Variants in EDARADD observed in about 807,000 individuals in gnomAD.
EDARADD encodes EDAR associated via death domain, also known as ectodysplasin-A receptor-associated adapter protein.
A neutral mutation model predicts 25.6 loss-of-function variants in EDARADD; 20 were observed. That is an observed-to-expected ratio of 0.78 (90% CI 0.55 to 1.14). The LOEUF (loss-of-function observed/expected upper bound fraction) is 1.14. Ranked by LOEUF, EDARADD falls within the 50% of genes most tolerant of loss-of-function variation. The probability of loss-of-function intolerance (pLI) is 0.00; values close to 1 mark genes in which losing one functional copy is unlikely to be tolerated. For missense variants in EDARADD, 225 were observed against 270.1 expected (o/e 0.83, Z 1.17); for synonymous variants, 86 against 94.4 (o/e 0.91, Z 0.52).
chr1:236,447,130 T>TCC (rs1204767061), intron 4 of EDARADD, among the ~76,000 whole-genome samples: 2 of 151,762 alleles, frequency 1.3e-5, no homozygotes, highest in Admixed American at 6.6e-5. Context: ...TTCCTCTCTC[T>TCC]CTCTCTCTTT....
rs1308986851 is a variant in EDARADD, at chr1:236,482,609, G to T, written c.608G>T (p.Trp203Leu). ...KVLRRWVDEE[W>L]PKRERGDPSR... is the part of the protein sequence containing the mutation. ...CTGCGCAGGTGGGTGGACGAGGAGT[G>T]GCCCAAGCGGGAGCGTGGAGACCCC... The change falls in exon 6 of 6, where the codon TGG (tryptophan) becomes TTG (leucine). Residue 203 changes from tryptophan (W) to leucine (L), a missense_variant. Transcript: ENST00000334232. 1 of 1,612,418 alleles carries T rather than the reference G, an allele frequency of 6.2e-7. No individual in the cohort carries two copies. Among genetic ancestry groups the T allele is most frequent in the Non-Finnish European group, 8.5e-7 (1 of 1,180,026 alleles).
chr1:236,367,666 CAAT>C (rs1327240384), intron 3 of EDARADD, among the ~76,000 whole-genome samples: 1 of 152,140 alleles, frequency 6.6e-6, no homozygotes, highest in Non-Finnish European at 1.5e-5. Context: ...TGCCCAGCCA[CAAT>C]ATTTTTCAAA....
chr1:236,443,033 A>C (rs112273093), intron 4 of EDARADD, among the ~76,000 whole-genome samples: 116 of 152,316 alleles, frequency 7.6e-4, no homozygotes, highest in African/African-American at 2.7e-3. Context: ...ATCGTGAGAA[A>C]GGAACTGAAG....
chr1:236,386,920 TG>T (rs1667361694), intron 3 of EDARADD, among the ~76,000 whole-genome samples: 1 of 27,082 alleles, frequency 3.7e-5, no homozygotes, highest in Non-Finnish European at 7.4e-5. Flanking sequence ...GGGAGGGAGG[TG>T]GGGGGGTCAG....
intron 3 of EDARADD, among the ~76,000 whole-genome samples, chr1:236,363,006 A>AAAATATATATATATATATATATAT (rs1377112051): frequency 2.3e-5 from 1 of 42,948 alleles, no homozygotes; most frequent in African/African-American, 1.1e-4. Flanking sequence ...AAAAAAAAAA[A>AAAATATATATATATATATATATAT]ATATATATAT....
At position 236,452,467 on chromosome 1, in the gene EDARADD, G is replaced by C. The variant is rs565155690; in HGVS notation, c.220-15764G>C. ...CACGACAGTGAGTGAGTTTGCACGAGATCTGATGGTTTAAAAGTGTGTGGC... is the reference window on the plus strand; with the variant it reads ...CACGACAGTGAGTGAGTTTGCACGACATCTGATGGTTTAAAAGTGTGTGGC... On this transcript the variant is annotated intron_variant, in intron 4 of 5. Coordinates refer to ENST00000334232, the MANE Select transcript of EDARADD (RefSeq NM_145861.4). Among the ~76,000 whole-genome samples the C allele has an allele frequency of 2.4e-3, 370 of 151,544 alleles. 4 individuals are homozygous for C. Among genetic ancestry groups the C allele is most frequent in the African/African-American group, 8.7e-3 (359 of 41,164 alleles).
At chr1:236,412,966 C>A (rs1294005892) in intron 2 of EDARADD, among the ~76,000 whole-genome samples, 1 of 152,224 alleles carries the variant, frequency 6.6e-6, no homozygotes, top group Non-Finnish European at 1.5e-5. Context: ...CCTCCTGGGG[C>A]AATTCTCGTA....
rs897166055 is a variant in EDARADD at position 236,395,307 on chromosome 1, G to A, written c.61+802G>A. The A allele has an allele frequency of 7.3e-6, 9 of 1,230,388 alleles. No individual in the cohort carries two copies. The highest frequency in any genetic ancestry group is 4.0e-5 in the Admixed American group (1 of 24,766). The allele number at this position is 1,230,388 out of a possible 1,614,324, so 76.2% of individuals were successfully genotyped here. On this transcript the variant is annotated intron_variant, in intron 1 of 5. Coordinates refer to ENST00000334232, the MANE Select transcript of EDARADD (RefSeq NM_145861.4). The surrounding 1 kb of genome is among the most constrained non-coding windows in gnomAD (Gnocchi z 6.9). ...CGCTCTGGGCGCTGGGGACGCCCGG[G>A]ACACTCGGGGCCCCGCCTTGCGTCC...
At chr1:236,443,804 A>G (rs763578160) in intron 4 of EDARADD, among the ~76,000 whole-genome samples, 1 of 152,226 alleles carries the variant, frequency 6.6e-6, no homozygotes, top group South Asian at 2.1e-4. Context: ...GTACATAAAT[A>G]ATGCACGAAG....
chr1:236,360,557 T>G (rs1205978320), intron 3 of EDARADD, among the ~76,000 whole-genome samples: 3 of 124,346 alleles, frequency 2.4e-5, no homozygotes, highest in Non-Finnish European at 5.3e-5. Context: ...TTTTTTTTTT[T>G]TTTTTTGAGA....
At chr1:236,356,569 C>T (rs1666977925) in intron 3 of EDARADD, among the ~76,000 whole-genome samples, 1 of 152,054 alleles carries the variant, frequency 6.6e-6, no homozygotes, top group Admixed American at 6.6e-5. Flanking sequence ...GTCTTTTTAA[C>T]TGTGCTAACA....
intron 4 of EDARADD, among the ~76,000 whole-genome samples, chr1:236,441,279 A>G (rs991513198): frequency 1.4e-5 from 2 of 145,078 alleles, no homozygotes; most frequent in African/African-American, 5.0e-5. Context: ...TTATATATAT[A>G]TATTATATAT....
rs148315958 is a variant in EDARADD, at chr1:236,398,513, C to T, written c.61+4008C>T. Reference sequence around the variant, plus strand: ...GTCCTTGAGGCTTACACACTCTGTGCAATCAATCCCTACCTGTTCCTTCAC... The same window carrying T: ...GTCCTTGAGGCTTACACACTCTGTGTAATCAATCCCTACCTGTTCCTTCAC... On this transcript the variant is annotated intron_variant, in intron 1 of 5. Transcript: ENST00000334232. The surrounding 1 kb of genome is among the most constrained non-coding windows in gnomAD (Gnocchi z 4.1). Among the ~76,000 whole-genome samples, 1 of 152,236 alleles carries T rather than the reference C, an allele frequency of 6.6e-6. No individual in the cohort carries two copies. Among genetic ancestry groups the T allele is most frequent in the African/African-American group, 2.4e-5 (1 of 41,458 alleles).
chr1:236,464,668 G>T (rs1415061149), intron 4 of EDARADD, among the ~76,000 whole-genome samples: 3 of 151,830 alleles, frequency 2.0e-5, no homozygotes, highest in Non-Finnish European at 2.9e-5. Flanking sequence ...CCTGACCTCG[G>T]GCGATTGGCC....
chr1:236,416,312 A>G (rs1657640319), intron 3 of EDARADD, among the ~76,000 whole-genome samples: 2 of 152,218 alleles, frequency 1.3e-5, no homozygotes, highest in African/African-American at 4.8e-5. Context: ...GAAGTGTGAA[A>G]AATCAAGCTT....
upstream of EDARADD, among the ~76,000 whole-genome samples, chr1:236,392,771 G>A (rs1667442819): frequency 6.6e-6 from 1 of 152,124 alleles, no homozygotes; most frequent in South Asian, 2.1e-4. Context: ...CTGGATTCAA[G>A]TGATTCTCCT....
chr1:236,419,025 ATT>A (rs1657713644), intron 3 of EDARADD, among the ~76,000 whole-genome samples: 1 of 152,116 alleles, frequency 6.6e-6, no homozygotes, highest in Non-Finnish European at 1.5e-5. Context: ...TCTCCAAAAC[ATT>A]TTTTAATCTT....
Position 236,453,763 on chromosome 1 carries a change from C to T in EDARADD, c.220-14468C>T, listed in dbSNP as rs1242049458. On this transcript the variant is annotated intron_variant, in intron 4 of 5. Coordinates refer to ENST00000334232, the MANE Select transcript of EDARADD (RefSeq NM_145861.4). The stretch of plus-strand genomic sequence containing the variant: ...CACCATCCAGGTTTGTGTAAGGGCA[C>T]TCTATGATGTTCACACAACGAAATC... Among the ~76,000 whole-genome samples the T allele has an allele frequency of 2.0e-5, 3 of 152,176 alleles. No homozygotes were observed. In the East Asian group the frequency reaches 5.8e-4, roughly 29 times the overall value.
intron 4 of EDARADD, 147 bp downstream of exon 4, chr1:236,427,597 C>T: frequency 1.4e-6 from 1 of 696,202 alleles, no homozygotes; most frequent in Admixed American, 2.9e-5. Flanking sequence ...CTAAGCATCC[C>T]AGTAAGGTAG....
Sources: gnomAD v4.1 joint callset for allele counts (sites outside exome capture counted in the v4.1 genomes callset) on GRCh38, gnomAD v4.1.1 for gene constraint, Gnocchi (gnomAD v3.1) non-coding constraint, MANE v1.5 for transcripts, NCBI Gene and HGNC (gene_info 2026-07-23, HGNC 2026-07-21) for gene names.